Variants in NUP62 observed in about 807,000 individuals in gnomAD.
NUP62 encodes the protein nucleoporin 62.
For missense variants in NUP62, 647 were observed against 689.4 expected (o/e 0.94, Z 0.69); for synonymous variants, 305 against 303.4 (o/e 1.01, Z -0.05).
In NUP62 at chr19:49,908,469, T is replaced by C. The variant is rs748278801; in HGVS notation, c.1339A>G (p.Met447Val). 1.2e-6 allele frequency: 2 copies of C among 1,614,054 alleles called. No individual in the cohort carries two copies. Among genetic ancestry groups the C allele is most frequent in the African/African-American group, 1.3e-5 (1 of 74,940 alleles). Residue 447 changes from methionine (M) to valine (V), a missense_variant, in exon 3 of 3, where the codon ATG (methionine) becomes GTG (valine). Met to Val is a conservative substitution (Grantham distance 21). Coordinates refer to ENST00000352066, the MANE Select transcript of NUP62 (RefSeq NM_016553.5). Reference protein sequence around the residue: ...AENIDAQLKRMAQDLKDIIEH... With the variant: ...AENIDAQLKRVAQDLKDIIEH... ...ATGATGTCCTTGAGATCCTGGGCCA[T>C]GCGCTTGAGCTGTGCATCGATGTTC...
In NUP62 at chr19:49,909,305, G is replaced by T; in HGVS notation, c.503C>A (p.Pro168His). ...FSFTGGSTAQPSGFNIGSAGN... is the reference protein window; with the variant it reads ...FSFTGGSTAQHSGFNIGSAGN... ...TGCTGAGCCAATGTTGAAACCGGAG[G>T]GTTGGGCCGTGCTTCCACCAGTGAA... Residue 168 changes from proline (P) to histidine (H), a missense_variant, in exon 3 of 3, where the codon CCC (proline) becomes CAC (histidine). Transcript: ENST00000352066. 1.2e-6 allele frequency: 2 copies of T among 1,614,096 alleles called. No homozygotes were observed. The highest frequency in any genetic ancestry group is 1.7e-6 in the Non-Finnish European group (2 of 1,180,026).
Position 49,908,231 on chromosome 19 carries a change from G to A in NUP62, c.*8C>T, listed in dbSNP as rs2075366377. On this transcript the variant is annotated 3_prime_UTR_variant, in exon 3 of 3. Transcript: ENST00000352066. The stretch of plus-strand genomic sequence containing the variant: ...CTAGGGACCTGCGGGCCCCAGGGCT[G>A]CTGTCGCTCAGTCAAAGGTGATCCG... 6.2e-7 allele frequency: 1 copy of A among 1,612,282 alleles called. No individual in the cohort carries two copies. The highest frequency in any genetic ancestry group is 8.5e-7 in the Non-Finnish European group (1 of 1,179,958).
At chr19:49,928,645 G>A (rs943120662) in intron 1 of NUP62, 12 of 152,290 alleles carry the variant, frequency 7.9e-5, no homozygotes, top group African/African-American at 2.4e-4. Flanking sequence ...TTTACAGATA[G>A]GGAAATGAAG....
At chr19:49,927,377 T>C (rs913515700) in intron 2 of NUP62, among the ~76,000 whole-genome samples, 4 of 152,102 alleles carry the variant, frequency 2.6e-5, no homozygotes, top group African/African-American at 7.2e-5. Flanking sequence ...ACACTATTGA[T>C]AGCTGATGAA....
In NUP62 at chr19:49,908,530, C is replaced by A; in HGVS notation, c.1278G>T (p.Ala426=). ...TGTAGGTTTTCTCACGCTCCTCATC[C>A]GCGTGCTGCAGGTAGATGGTCCCGC... The part of the protein sequence containing the change: ...EQSGTIYLQH[A]DEEREKTYKL... Residue 426 remains alanine, a synonymous_variant, in exon 3 of 3, where the codon GCG becomes GCT. Transcript: ENST00000352066. The A allele has an allele frequency of 1.2e-6, 2 of 1,614,166 alleles. No individual in the cohort carries two copies. The highest frequency in any genetic ancestry group is 3.3e-4 in the Middle Eastern group (2 of 6,062).
rs774611878 is a variant in NUP62, at chr19:49,927,676, A to T, written c.-78+18T>A. On this transcript the variant is annotated intron_variant, in intron 2 of 2. Transcript: ENST00000352066. Reference sequence around the variant, plus strand: ...CTGCCCGCAACAGGTAAGGAAGGAGAAAGAAGCTTGTGTGTACCGCTCAGT... The same window carrying T: ...CTGCCCGCAACAGGTAAGGAAGGAGTAAGAAGCTTGTGTGTACCGCTCAGT... 2 of 152,204 alleles carry T rather than the reference A, an allele frequency of 1.3e-5. No individual in the cohort carries two copies. The highest frequency in any genetic ancestry group is 2.4e-5 in the African/African-American group (1 of 41,450). 9.4% of individuals were successfully genotyped at this position (152,204 alleles called of 1,614,324 possible). A position where few individuals can be genotyped will look rare whatever the true frequency, so the allele number is the denominator to read the frequency against.
intron 2 of NUP62, among the ~76,000 whole-genome samples, chr19:49,915,808 C>T (rs932659162): frequency 6.6e-6 from 1 of 152,150 alleles, no homozygotes; most frequent in Admixed American, 6.5e-5. Flanking sequence ...GCAACCCTGC[C>T]AGGACTGTGG....
rs759762297 is a variant in NUP62 at position 49,909,813 on chromosome 19, C to T, written c.-6G>A. ...CCAAAATTAAACCCGCTCATGGCTCCGGACTCTGGTGGCGGCAGCTACTCT... is the reference window on the plus strand; with the variant it reads ...CCAAAATTAAACCCGCTCATGGCTCTGGACTCTGGTGGCGGCAGCTACTCT... On this transcript the variant is annotated 5_prime_UTR_variant, in exon 3 of 3. Coordinates refer to ENST00000352066, the MANE Select transcript of NUP62 (RefSeq NM_016553.5). The T allele has an allele frequency of 2.9e-5, 46 of 1,613,708 alleles. No individual in the cohort carries two copies. Among genetic ancestry groups the T allele is most frequent in the South Asian group, 2.3e-4 (21 of 91,068 alleles).
rs537044484 is a variant in NUP62, at chr19:49,907,129, G to A, written c.*1110C>T. 2.5e-5 allele frequency: 4 copies of A among 160,786 alleles called. No individual in the cohort carries two copies. Among genetic ancestry groups the A allele is most frequent in the South Asian group, 1.5e-4 (1 of 6,622 alleles). 10.0% of individuals were successfully genotyped at this position (160,786 alleles called of 1,614,324 possible). A position where few individuals can be genotyped will look rare whatever the true frequency, so the allele number is the denominator to read the frequency against. ...ACCGGGCTGGGGACACACGGGGAAC[G>A]ACAGTGGGTCTCTGCCCATGGGAAC... On this transcript the variant is annotated 3_prime_UTR_variant, in exon 3 of 3. Transcript: ENST00000352066.
chr19:49,909,035 A>G lies in NUP62; in HGVS notation c.773T>C (p.Leu258Ser), dbSNP rs368337692. The change falls in exon 3 of 3, where the codon TTA (leucine) becomes TCA (serine). Residue 258 changes from leucine (L) to serine (S), a missense_variant. Leu to Ser is a moderately radical substitution (Grantham distance 145, BLOSUM62 -2). Transcript: ENST00000352066. Reference protein sequence around the residue: ...APTAGTQGFSLKAPGAASGTS... With the variant: ...APTAGTQGFSSKAPGAASGTS... ...GCCGGAAGCTGCTCCAGGTGCCTTTAAGCTGAAGCCCTGTGTCCCAGCAGT... is the reference window on the plus strand; with the variant it reads ...GCCGGAAGCTGCTCCAGGTGCCTTTGAGCTGAAGCCCTGTGTCCCAGCAGT... 3.7e-6 allele frequency: 6 copies of G among 1,613,118 alleles called. No individual in the cohort carries two copies. The highest frequency in any genetic ancestry group is 4.2e-6 in the Non-Finnish European group (5 of 1,179,972).
At chr19:49,928,265 C>G (rs564210028) in intron 1 of NUP62, 3 of 152,446 alleles carry the variant, frequency 2.0e-5, no homozygotes, top group Admixed American at 1.3e-4. Context: ...CGCCTGTAAT[C>G]CCAGCACTTT....
Position 49,909,269 on chromosome 19 carries a change from G to C in NUP62, c.539C>G (p.Ala180Gly). The C allele has an allele frequency of 6.2e-7, 1 of 1,614,172 alleles. No individual in the cohort carries two copies. The highest frequency in any genetic ancestry group is 8.5e-7 in the Non-Finnish European group (1 of 1,180,028). The change falls in exon 3 of 3, where the codon GCC becomes GGC. Residue 180 changes from alanine (A) to glycine (G), a missense_variant. Ala to Gly is a moderately conservative substitution (Grantham distance 60, BLOSUM62 0). Coordinates refer to ENST00000352066, the MANE Select transcript of NUP62 (RefSeq NM_016553.5). ...GFNIGSAGNS[A>G]QPTAPATLPF... ...CAACGTGGCAGGTGCCGTGGGCTGG[G>C]CTGAATTCCCTGCTGAGCCAATGTT...
At chr19:49,915,953 C>T (rs1281692688) in intron 2 of NUP62, among the ~76,000 whole-genome samples, 1 of 152,218 alleles carries the variant, frequency 6.6e-6, no homozygotes, top group African/African-American at 2.4e-5. Context: ...GCCAGATTTC[C>T]GTTTGTTCCC....
Position 49,909,608 on chromosome 19 carries a change from G to C in NUP62, c.200C>G (p.Pro67Arg). 6.2e-7 allele frequency: 1 copy of C among 1,613,400 alleles called. No homozygotes were observed. The highest frequency in any genetic ancestry group is 8.5e-7 in the Non-Finnish European group (1 of 1,179,354). Residue 67 changes from proline to arginine, a missense_variant, in exon 3 of 3, where the codon CCG (proline) becomes CGG (arginine). Pro to Arg is a moderately radical substitution (Grantham distance 103). Coordinates refer to ENST00000352066, the MANE Select transcript of NUP62 (RefSeq NM_016553.5). ...AGTGAAGCCTGTCGTCTGTGTGGCC[G>C]GAGTCTGGGTGGCAAGTGAGAACAG... is the stretch of plus-strand genomic sequence containing the variant. ...TGLFSLATQT[P>R]ATQTTGFTFG... is the part of the protein sequence containing the mutation.
At position 49,907,512 on chromosome 19, in the gene NUP62, C is replaced by T; in HGVS notation, c.*727G>A. 2.3e-6 allele frequency: 1 copy of T among 438,044 alleles called. No individual in the cohort carries two copies. The highest frequency in any genetic ancestry group is 4.5e-6 in the Non-Finnish European group (1 of 222,704). The allele number at this position is 438,044 out of a possible 1,614,324, so 27.1% of individuals were successfully genotyped here. A position where few individuals can be genotyped will look rare whatever the true frequency, so the allele number is the denominator to read the frequency against. Reference sequence around the variant, plus strand: ...ACAAGCACAAGCTCACACTCGAAAACTAGGCTGCTGTCTCCTGGGAGTTTC... The same window carrying T: ...ACAAGCACAAGCTCACACTCGAAAATTAGGCTGCTGTCTCCTGGGAGTTTC... On this transcript the variant is annotated 3_prime_UTR_variant, in exon 3 of 3. Transcript: ENST00000352066.
At chr19:49,923,776 C>T (rs1047451677) in intron 2 of NUP62, among the ~76,000 whole-genome samples, 1 of 152,224 alleles carries the variant, frequency 6.6e-6, no homozygotes, top group Non-Finnish European at 1.5e-5. Flanking sequence ...AAAGAGGATG[C>T]CACTTGCTGA....
chr19:49,925,135 C>T (rs1037731613), intron 2 of NUP62, among the ~76,000 whole-genome samples: 2 of 152,086 alleles, frequency 1.3e-5, no homozygotes, highest in Non-Finnish European at 2.9e-5. Context: ...GTGACACATG[C>T]CTGTAATCCT....
chr19:49,909,293 T>C lies in NUP62; in HGVS notation c.515A>G (p.Asn172Ser), dbSNP rs760230301. The stretch of plus-strand genomic sequence containing the variant: ...GGCTGAATTCCCTGCTGAGCCAATG[T>C]TGAAACCGGAGGGTTGGGCCGTGCT... ...GGSTAQPSGFNIGSAGNSAQP... is the reference protein window; with the variant it reads ...GGSTAQPSGFSIGSAGNSAQP... Residue 172 changes from asparagine (N) to serine (S), a missense_variant, in exon 3 of 3, where the codon AAC becomes AGC. Physicochemically the swap from Asn to Ser is conservative, Grantham distance 46. Transcript: ENST00000352066. 9.9e-6 allele frequency: 16 copies of C among 1,613,874 alleles called. No individual in the cohort carries two copies. In the African/African-American group the frequency reaches 1.9e-4, roughly 19 times the overall value.
At chr19:49,913,320 C>A (rs1280951842) in intron 2 of NUP62, among the ~76,000 whole-genome samples, 1 of 152,188 alleles carries the variant, frequency 6.6e-6, no homozygotes, top group Non-Finnish European at 1.5e-5. Context: ...TTGACCAGCT[C>A]CAGGAGAATC....
Sources: allele counts gnomAD v4.1 joint callset (sites outside exome capture counted in the v4.1 genomes callset), GRCh38; gene constraint gnomAD v4.1.1; transcripts MANE v1.5; gene names NCBI Gene and HGNC (gene_info 2026-07-23, HGNC 2026-07-21).